The following FRMD3 variants were observed in gnomAD, a reference collection of about 807,000 sequenced individuals.
The protein encoded by FRMD3 is FERM domain-containing protein 3.
FRMD3 carries 33 observed loss-of-function variants against 70.2 expected under a neutral mutation model. That is an observed-to-expected ratio of 0.47 (90% CI 0.36 to 0.63). The LOEUF (loss-of-function observed/expected upper bound fraction) is 0.63, where lower values mean the gene tolerates loss of function less well. Among genes scored for constraint, FRMD3 ranks in the 20% least tolerant of loss-of-function variants. The probability of loss-of-function intolerance (pLI) is 0.00; values close to 1 mark genes in which losing one functional copy is unlikely to be tolerated. For synonymous variants in FRMD3, 279 were observed against 255.9 expected, an observed-to-expected ratio of 1.09 and a Z score of -0.86; for missense variants, 632 against 711.4, an observed-to-expected ratio of 0.89 and a Z score of 1.27.
intron 6 of FRMD3, among the ~76,000 whole-genome samples, chr9:83,316,161 C>CTTTTTTTTTT (rs34851421): frequency 8.9e-6 from 1 of 112,598 alleles, no homozygotes; most frequent in Admixed American, 9.8e-5. Context: ...TTTTTTTTTT[C>CTTTTTTTTTT]TTTTTTTTTT....
chr9:83,475,042 C>G (rs186464929), intron 1 of FRMD3, among the ~76,000 whole-genome samples: 20 of 152,164 alleles, frequency 1.3e-4, no homozygotes, highest in Admixed American at 5.2e-4. Flanking sequence ...AAAAAGAACA[C>G]TCCTCGGTTG....
intron 1 of FRMD3, among the ~76,000 whole-genome samples, chr9:83,390,060 C>G (rs1157747990): frequency 6.6e-6 from 1 of 152,208 alleles, no homozygotes; most frequent in Non-Finnish European, 1.5e-5. Flanking sequence ...TTTGGAAACT[C>G]TCATGTAACA....
chr9:83,324,153 A>G (rs1202069806), intron 6 of FRMD3, among the ~76,000 whole-genome samples: 1 of 152,258 alleles, frequency 6.6e-6, no homozygotes, highest in Non-Finnish European at 1.5e-5. Flanking sequence ...ACTGTGGAAG[A>G]ATCTCATAAA....
chr9:83,563,968 C>T, the FRMD3 span, among the ~76,000 whole-genome samples: 1 of 152,160 alleles, frequency 6.6e-6, no homozygotes. Context: ...TCTTACCTTA[C>T]AGTGCCAAGT....
At chr9:83,551,710 T>C in the FRMD3 span, among the ~76,000 whole-genome samples, 193 of 152,292 alleles carry the variant, frequency 1.3e-3, 2 homozygotes, top group Admixed American at 6.2e-3. Flanking sequence ...TGGGAAAGTG[T>C]ATGTGTCCAG....
upstream of FRMD3, among the ~76,000 whole-genome samples, chr9:83,541,184 A>G (rs1829995427): frequency 6.6e-6 from 1 of 152,214 alleles, no homozygotes; most frequent in South Asian, 2.1e-4. Context: ...TAATACTTGA[A>G]CCAGATTCAG....
intron 1 of FRMD3, among the ~76,000 whole-genome samples, chr9:83,494,018 T>C (rs960632734): frequency 6.6e-6 from 1 of 152,142 alleles, no homozygotes; most frequent in Non-Finnish European, 1.5e-5. Flanking sequence ...TTCCAACTCT[T>C]CCCTTGTCAT....
At chr9:83,570,632 C>T in the FRMD3 span, among the ~76,000 whole-genome samples, 6 of 152,152 alleles carry the variant, frequency 3.9e-5, no homozygotes, top group Admixed American at 2.6e-4. Flanking sequence ...GTGAATAGAT[C>T]ACACAGGGAC....
the FRMD3 span, among the ~76,000 whole-genome samples, chr9:83,576,474 T>C: frequency 6.6e-6 from 1 of 152,158 alleles, no homozygotes. Context: ...CAAGTGTACA[T>C]GTGCAGGTAT....
chr9:83,281,238 C>T (rs1833963760), intron 13 of FRMD3, among the ~76,000 whole-genome samples: 1 of 152,194 alleles, frequency 6.6e-6, no homozygotes, highest in Non-Finnish European at 1.5e-5. Flanking sequence ...GCATCTAAAA[C>T]TCAGAAAATT....
chr9:83,396,409 T>A (rs776896126), intron 1 of FRMD3, among the ~76,000 whole-genome samples: 32 of 152,236 alleles, frequency 2.1e-4, no homozygotes, highest in Non-Finnish European at 3.7e-4. Flanking sequence ...GAACCCAGAT[T>A]TTCCTCAGGT....
intron 7 of FRMD3, among the ~76,000 whole-genome samples, 171 bp from the exon 8 acceptor site, chr9:83,312,146 A>G (rs546088797): frequency 7.4e-4 from 112 of 152,340 alleles, no homozygotes; most frequent in African/African-American, 2.6e-3. Flanking sequence ...CAGGCCTTTC[A>G]AAGTCTGGGT....
chr9:83,384,627 C>T (rs1203000455), intron 2 of FRMD3, among the ~76,000 whole-genome samples: 1 of 152,140 alleles, frequency 6.6e-6, no homozygotes, highest in Non-Finnish European at 1.5e-5. Context: ...CAGGACTGAA[C>T]ATGACCTTGC....
At chr9:83,414,323 T>A (rs535325725) in intron 1 of FRMD3, among the ~76,000 whole-genome samples, 2 of 152,238 alleles carry the variant, frequency 1.3e-5, no homozygotes, top group African/African-American at 2.4e-5. Flanking sequence ...AAGCTGTTTT[T>A]AAAAAAATCA....
chr9:83,244,892 A>ATCC lies in FRMD3; in HGVS notation c.*3025_*3026insGGA, dbSNP rs1832016522. 10 of 984,972 alleles carry ATCC rather than the reference A, an allele frequency of 1.0e-5. No individual in the cohort carries two copies. The African/African-American group carries it at 1.7e-4, about 17-fold the overall frequency. 61.0% of individuals were successfully genotyped at this position (984,972 alleles called of 1,614,324 possible). A position where few individuals can be genotyped will look rare whatever the true frequency, so the allele number is the denominator to read the frequency against. ...TCAAGCACAGACAAATACATACTTT[A>ATCC]CTTTACCTACATTGTTTTCATGATC... On this transcript the variant is annotated 3_prime_UTR_variant, in exon 14 of 14. Coordinates refer to ENST00000304195, the MANE Select transcript of FRMD3 (RefSeq NM_174938.6).
chr9:83,549,523 A>G, the FRMD3 span, among the ~76,000 whole-genome samples: 1 of 152,232 alleles, frequency 6.6e-6, no homozygotes, highest in South Asian at 2.1e-4. Context: ...AGGGATCACT[A>G]TACTGCTTCT....
At chr9:83,302,573 C>T (rs1031870406) in intron 10 of FRMD3, among the ~76,000 whole-genome samples, 1 of 152,258 alleles carries the variant, frequency 6.6e-6, no homozygotes, top group South Asian at 2.1e-4. Context: ...CATACCTGCT[C>T]ATTATATAAT....
intron 6 of FRMD3, among the ~76,000 whole-genome samples, chr9:83,317,381 A>T (rs767998915): frequency 1.1e-4 from 17 of 152,166 alleles, no homozygotes; most frequent in Non-Finnish European, 2.4e-4. Context: ...ACCAGAGCCA[A>T]AGCAGCCCTG....
intron 12 of FRMD3, among the ~76,000 whole-genome samples, chr9:83,293,582 C>T (rs1456449567): frequency 1.3e-5 from 2 of 152,178 alleles, no homozygotes; most frequent in Admixed American, 6.5e-5. Context: ...ATCCTGCTGC[C>T]CCCAACCCAC....
Sources: gnomAD v4.1 joint callset for allele counts (sites outside exome capture counted in the v4.1 genomes callset) on GRCh38, gnomAD v4.1.1 for gene constraint, MANE v1.5 for transcripts, NCBI Gene and HGNC (gene_info 2026-07-23, HGNC 2026-07-21) for gene names.